The following ASMTL variants were observed in gnomAD, a reference collection of about 807,000 sequenced individuals.
The protein encoded by ASMTL is acetylserotonin O-methyltransferase like.
A neutral mutation model predicts 60.3 loss-of-function variants in ASMTL; 57 were observed. The observed-to-expected ratio is 0.95, with a 90% CI of 0.76 to 1.18. The LOEUF is 1.18. Ranked by LOEUF, ASMTL falls within the 50% of genes most tolerant of loss-of-function variation. The pLI is 0.00. For synonymous variants in ASMTL, 419 were observed against 373.0 expected, an observed-to-expected ratio of 1.12 and a Z score of -1.42; for missense variants, 981 against 852.6, an observed-to-expected ratio of 1.15 and a Z score of -1.88.
At position 1,412,774 on chromosome X, in the gene ASMTL, C is replaced by T. The variant is rs372291076; in HGVS notation, c.1603G>A (p.Val535Ile). 6 of 1,613,968 alleles carry T rather than the reference C, an allele frequency of 3.7e-6. No individual in the cohort carries two copies. Among genetic ancestry groups the T allele is most frequent in the Non-Finnish European group, 5.1e-6 (6 of 1,179,864 alleles). Reference sequence around the variant, plus strand: ...GCGACCCTGCTGAGTAACTTGTGGACTTTGTCGTCTGGCCAGTCATGCAGG... The same window carrying T: ...GCGACCCTGCTGAGTAACTTGTGGATTTTGTCGTCTGGCCAGTCATGCAGG... ...RILHDWPDDK[V>I]HKLLSRVAES... Residue 535 changes from valine (V) to isoleucine (I), a missense_variant, in exon 12 of 13, where the codon GTC becomes ATC. Physicochemically the swap from Val to Ile is conservative, Grantham distance 29. Coordinates refer to ENST00000381317, the MANE Select transcript of ASMTL (RefSeq NM_004192.4).
chrX:1,445,690 A>G lies in ASMTL; in HGVS notation c.94-3373T>C, dbSNP rs189590328. Among the ~76,000 whole-genome samples the G allele has an allele frequency of 2.3e-3, 348 of 152,294 alleles. 2 individuals are homozygous for G. Among genetic ancestry groups the G allele is most frequent in the African/African-American group, 7.3e-3 (302 of 41,556 alleles). ...GGTATATGATAAAATATAAAACGAG[A>G]AAGTTATACCAGATATAGATCTTAG... On this transcript the variant is annotated intron_variant, in intron 1 of 12. Transcript: ENST00000381317.
intron 7 of ASMTL, among the ~76,000 whole-genome samples, chrX:1,426,466 C>T (rs1363010629): frequency 3.9e-5 from 6 of 152,294 alleles, no homozygotes; most frequent in South Asian, 2.1e-4. Flanking sequence ...CTCTGCTTCC[C>T]GGAGGACGCC....
At chrX:1,429,840 T>C (rs1310472481) in intron 6 of ASMTL, among the ~76,000 whole-genome samples, 1 of 151,766 alleles carries the variant, frequency 6.6e-6, no homozygotes, top group Non-Finnish European at 1.5e-5. Flanking sequence ...GATATATGTA[T>C]ACATGTGACA....
intron 2 of ASMTL, among the ~76,000 whole-genome samples, chrX:1,441,331 C>T (rs1437579763): frequency 6.6e-6 from 1 of 152,048 alleles, no homozygotes; most frequent in Non-Finnish European, 1.5e-5. Context: ...AGTTGGAGTG[C>T]AGTGGGATGA....
chrX:1,449,617 CCATCACCAGTAACTACCTCA>C (rs1321148983), intron 1 of ASMTL, among the ~76,000 whole-genome samples: 28 of 151,814 alleles, frequency 1.8e-4, no homozygotes, highest in East Asian at 3.9e-4. Flanking sequence ...AACTTCTCTG[CCATCACCAGTAACTACCTCA>C]CATCACCAGT....
At chrX:1,424,860 A>ACCCC (rs2090572788) in intron 8 of ASMTL, among the ~76,000 whole-genome samples, 8 of 55,832 alleles carry the variant, frequency 1.4e-4, no homozygotes, top group East Asian at 9.9e-4. Context: ...CCATCCACCC[A>ACCCC]CCCACCCATC....
At position 1,452,797 on chromosome X, in the gene ASMTL, A is replaced by T; in HGVS notation, c.44T>A (p.Val15Glu). 6.3e-7 allele frequency: 1 copy of T among 1,596,626 alleles called. No individual in the cohort carries two copies. The highest frequency in any genetic ancestry group is 8.5e-7 in the Non-Finnish European group (1 of 1,177,432). The change falls in exon 1 of 13, where the codon GTG (valine) becomes GAG (glutamate). Residue 15 changes from valine to glutamate, a missense_variant. Coordinates refer to ENST00000381317, the MANE Select transcript of ASMTL (RefSeq NM_004192.4). ...GCGTGGGGAGGCGCTGGCCAGCACC[A>T]CGCGCTTGTGCAGCAGCTTCCCAAT... ...PVIGKLLHKRVVLASASPRRQ... is the reference protein window; with the variant it reads ...PVIGKLLHKREVLASASPRRQ...
At chrX:1,435,534 C>T (rs746951466) in intron 4 of ASMTL, 160 bp downstream of exon 4, 8 of 690,134 alleles carry the variant, frequency 1.2e-5, no homozygotes, top group East Asian at 5.4e-5. Context: ...AGGGATAGTG[C>T]CTGCCTCCCT....
Position 1,412,726 on chromosome X carries a change from T to C in ASMTL, c.1645+6A>G, listed in dbSNP as rs1422419476. The C allele has an allele frequency of 6.2e-7, 1 of 1,613,806 alleles. No homozygotes were observed. Among genetic ancestry groups the C allele is most frequent in the East Asian group, 2.2e-5 (1 of 44,890 alleles). ...AAAAACAGCTAACCTGACGATGGGC[T>C]CTCACCTGGCTTGCAGCTCTCGGCG... On this transcript the variant is annotated splice_donor_region_variant and intron_variant, in intron 12 of 12. Transcript: ENST00000381317.
At position 1,425,630 on chromosome X, in the gene ASMTL, G is replaced by A. The variant is rs1348963405; in HGVS notation, c.955C>T (p.Gln319Ter). The change falls in exon 8 of 13, where the codon CAG (glutamine) becomes TAG (stop). Residue 319 changes from glutamine to a stop codon, truncating the protein, a stop_gained. Transcript: ENST00000381317. LOFTEE classifies it high-confidence loss of function. ...TTGCTGGCAATATCCGCAGCCTTCT[G>A]GGGTGCTTCATCTTTTAACAAATCG... is the stretch of plus-strand genomic sequence containing the variant. ...VFDLLKDEAP[Q>*]KAADIASKVD... 3.7e-6 allele frequency: 6 copies of A among 1,613,764 alleles called. No individual in the cohort carries two copies. The highest frequency in any genetic ancestry group is 5.1e-6 in the Non-Finnish European group (6 of 1,179,802).
At chrX:1,419,911 TCTCTGA>T (rs201317189) in intron 9 of ASMTL, among the ~76,000 whole-genome samples, 7,060 of 152,230 alleles carry the variant, frequency 0.046, 551 homozygotes, top group African/African-American at 0.16. Context: ...CTGGCTTCTC[TCTCTGA>T]CTCTTTCTCC....
chrX:1,416,487 A>C (rs2090271783), intron 11 of ASMTL, among the ~76,000 whole-genome samples: 1 of 151,860 alleles, frequency 6.6e-6, no homozygotes. Context: ...ACATACAGAT[A>C]CAGCGACAGG....
Position 1,433,481 on chromosome X carries a change from C to G in ASMTL, c.401-1104G>C, listed in dbSNP as rs558964947. On this transcript the variant is annotated intron_variant, in intron 5 of 12. Coordinates refer to ENST00000381317, the MANE Select transcript of ASMTL (RefSeq NM_004192.4). ...GAGATCGAGACCCTCCTGGCTACCA[C>G]GGTGAAACCCCGTCTCTACTAAAAA... 4.6e-5 allele frequency among the ~76,000 whole-genome samples: 6 copies of G among 130,728 alleles called. No individual in the cohort carries two copies. In the South Asian group the frequency reaches 1.2e-3, roughly 27 times the overall value. 85.8% of individuals were successfully genotyped at this position (130,728 alleles called of 152,430 possible). A position where few individuals can be genotyped will look rare whatever the true frequency, so the allele number is the denominator to read the frequency against.
In ASMTL at chrX:1,432,389, C is replaced by T. The variant is rs765426744; in HGVS notation, c.401-12G>A. 1.7e-5 allele frequency: 28 copies of T among 1,608,406 alleles called. No homozygotes were observed. In the East Asian group the frequency reaches 4.0e-4, roughly 23 times the overall value. ...GTCCAGCTGATGGTCTGCAAGGACA[C>T]AGCCGTGGGGGTGAGCGTGGACGCC... On this transcript the variant is annotated splice_polypyrimidine_tract_variant and intron_variant, in intron 5 of 12. Transcript: ENST00000381317.
rs1237462015 is a variant in ASMTL, at chrX:1,431,271, T to TTG, written c.509+997_509+998insCA. On this transcript the variant is annotated intron_variant, in intron 6 of 12. Transcript: ENST00000381317. ...ATTATAAATATATGTAATTATATATTTATATATAAATAAAATTAAATATAT... is the reference window on the plus strand; with the variant it reads ...ATTATAAATATATGTAATTATATATTTGTATATATAAATAAAATTAAATATAT... Among the ~76,000 whole-genome samples, 595 of 129,498 alleles carry TTG rather than the reference T, an allele frequency of 4.6e-3. 6 individuals carry two copies. Among genetic ancestry groups the TTG allele is most frequent in the African/African-American group, 0.016 (560 of 34,754 alleles). The allele number at this position is 129,498 out of a possible 152,430, so 85.0% of individuals were successfully genotyped here.
At chrX:1,450,774 C>T (rs760482577) in intron 1 of ASMTL, among the ~76,000 whole-genome samples, 129 of 138,058 alleles carry the variant, frequency 9.3e-4, no homozygotes, top group African/African-American at 3.4e-3. Flanking sequence ...GGGTTACTCT[C>T]CCCTCCCCCA....
At chrX:1,426,111 C>G (rs1263599653) in intron 7 of ASMTL, among the ~76,000 whole-genome samples, 2 of 151,966 alleles carry the variant, frequency 1.3e-5, no homozygotes, top group African/African-American at 4.8e-5. Flanking sequence ...GAGATGAGGA[C>G]ACAGACACAC....
chrX:1,414,902 G>C (rs1569531834), intron 11 of ASMTL, among the ~76,000 whole-genome samples: 1 of 151,942 alleles, frequency 6.6e-6, no homozygotes, highest in African/African-American at 2.4e-5. Context: ...GCCGCTGTCG[G>C]ATGGTGCTGA....
At chrX:1,411,228 G>A (rs1175504107) in intron 12 of ASMTL, among the ~76,000 whole-genome samples, 1 of 15,562 alleles carries the variant, frequency 6.4e-5, no homozygotes, top group Admixed American at 1.3e-3. Flanking sequence ...AGAGAAAGAA[G>A]GAGAGACAGA....
Sources: gnomAD v4.1 joint callset for allele counts (sites outside exome capture counted in the v4.1 genomes callset) on GRCh38, gnomAD v4.1.1 for gene constraint, MANE v1.5 for transcripts, NCBI Gene and HGNC (gene_info 2026-07-23, HGNC 2026-07-21) for gene names.